Variants in SACM1L observed in about 807,000 individuals in gnomAD.
The protein encoded by SACM1L is SAC1 like phosphatidylinositide phosphatase.
In SACM1L, 32 loss-of-function variants were observed where a neutral mutation model predicts 89.5. The ratio of observed to expected loss-of-function variants is 0.36; its 90% CI spans 0.27 to 0.48. SACM1L has a LOEUF of 0.48. Among genes scored for constraint, SACM1L ranks in the 20% least tolerant of loss-of-function variants. The probability of loss-of-function intolerance (pLI) is 0.99; values close to 1 mark genes in which losing one functional copy is unlikely to be tolerated. For synonymous variants in SACM1L, 213 were observed against 232.8 expected (o/e 0.92, Z 0.77); for missense variants, 543 against 708.5 (o/e 0.77, Z 2.65).
chr3:45,699,707 A>G (rs1698222338), intron 1 of SACM1L, among the ~76,000 whole-genome samples: 1 of 152,078 alleles, frequency 6.6e-6, no homozygotes, highest in African/African-American at 2.4e-5. Flanking sequence ...TTTTTAGTAG[A>G]GACAGGGTTT....
chr3:45,740,902 G>A (rs2083060308), intron 19 of SACM1L, among the ~76,000 whole-genome samples: 1 of 152,080 alleles, frequency 6.6e-6, no homozygotes, highest in South Asian at 2.1e-4. Context: ...CATTTTAAAG[G>A]TTGAGAGTAA....
chr3:45,741,435 G>GT (rs1016093074), intron 19 of SACM1L, among the ~76,000 whole-genome samples: 5 of 152,028 alleles, frequency 3.3e-5, no homozygotes, highest in African/African-American at 9.7e-5. Context: ...ATACTTGTTT[G>GT]TTTTTTTCAC....
intron 1 of SACM1L, 115 bp downstream of exon 1, chr3:45,689,612 G>C: frequency 8.0e-7 from 1 of 1,257,186 alleles, no homozygotes; most frequent in Non-Finnish European, 1.1e-6. Flanking sequence ...GGAGCTCCTC[G>C]CATTTACCGG....
chr3:45,723,332 C>T, intron 10 of SACM1L, 143 bp from the exon 11 acceptor site: 2 of 345,278 alleles, frequency 5.8e-6, no homozygotes, highest in Non-Finnish European at 1.0e-5. Flanking sequence ...AGCTAGAAGG[C>T]ATAGTTCACA....
intron 12 of SACM1L, 50 bp downstream of exon 12, chr3:45,731,430 T>G (rs1209656621): frequency 2.5e-6 from 3 of 1,208,800 alleles, no homozygotes; most frequent in East Asian, 4.7e-5. Flanking sequence ...GATGTGCACT[T>G]ACATATATGC....
intron 14 of SACM1L, among the ~76,000 whole-genome samples, chr3:45,735,957 C>T (rs917530282): frequency 2.0e-5 from 3 of 152,152 alleles, no homozygotes; most frequent in African/African-American, 7.2e-5. Context: ...ACCTCTGCCT[C>T]CTGGGCTCAA....
At chr3:45,690,998 A>T (rs1697973598) in intron 1 of SACM1L, among the ~76,000 whole-genome samples, 2 of 152,250 alleles carry the variant, frequency 1.3e-5, no homozygotes, top group South Asian at 4.1e-4. Flanking sequence ...GGAGAACTTG[A>T]GAATTATGAT....
In SACM1L at chr3:45,743,748, A is replaced by G. The variant is rs1575416244; in HGVS notation, c.*79A>G. The G allele has an allele frequency of 4.7e-6, 7 of 1,489,152 alleles. No individual in the cohort carries two copies. The East Asian group carries it at 1.6e-4, about 34-fold the overall frequency. The allele number at this position is 1,489,152 out of a possible 1,614,324, so 92.2% of individuals were successfully genotyped here. A position where few individuals can be genotyped will look rare whatever the true frequency, so the allele number is the denominator to read the frequency against. On this transcript the variant is annotated 3_prime_UTR_variant, in exon 20 of 20. Coordinates refer to ENST00000389061, the MANE Select transcript of SACM1L (RefSeq NM_014016.5). ...GAGTCTTTACTGACCCGCTTTCCACATCAGCCCAAGGTCTTTTTAATGCCT... is the reference window on the plus strand; with the variant it reads ...GAGTCTTTACTGACCCGCTTTCCACGTCAGCCCAAGGTCTTTTTAATGCCT...
intron 3 of SACM1L, among the ~76,000 whole-genome samples, chr3:45,705,496 A>ATTTTT (rs36040487): frequency 1.2e-4 from 12 of 103,128 alleles, no homozygotes; most frequent in South Asian, 3.1e-4. Flanking sequence ...TGTAAATAAA[A>ATTTTT]TTTTTTTTTT....
intron 1 of SACM1L, among the ~76,000 whole-genome samples, chr3:45,690,653 A>AC (rs988650396): frequency 6.6e-6 from 1 of 152,080 alleles, no homozygotes; most frequent in African/African-American, 2.4e-5. Flanking sequence ...TCTACAGTGC[A>AC]CCCCCTGTGG....
At chr3:45,696,675 G>A (rs1698136137) in intron 1 of SACM1L, among the ~76,000 whole-genome samples, 1 of 151,494 alleles carries the variant, frequency 6.6e-6, no homozygotes, top group African/African-American at 2.4e-5. Flanking sequence ...CTAGATAATA[G>A]CCATTTTAAT....
Position 45,709,494 on chromosome 3 carries a change from A to T in SACM1L, c.334-4A>T, listed in dbSNP as rs75966812. The T allele has an allele frequency of 6.3e-7, 1 of 1,598,974 alleles. No individual in the cohort carries two copies. Among genetic ancestry groups the T allele is most frequent in the South Asian group, 1.1e-5 (1 of 88,090 alleles). ...GAGCTATACTGATTTTTCTTTGTTT[A>T]TAGTTACAAGATAATAAAACCTTCC... On this transcript the variant is annotated splice_region_variant and splice_polypyrimidine_tract_variant and intron_variant, in intron 4 of 19. Transcript: ENST00000389061.
At chr3:45,693,317 T>G (rs997130715) in intron 1 of SACM1L, among the ~76,000 whole-genome samples, 1 of 152,226 alleles carries the variant, frequency 6.6e-6, no homozygotes, top group African/African-American at 2.4e-5. Context: ...TCCTCCTCAG[T>G]ACCTAACATA....
intron 5 of SACM1L, among the ~76,000 whole-genome samples, chr3:45,712,210 A>G (rs1054196214): frequency 1.3e-5 from 2 of 152,064 alleles, no homozygotes; most frequent in Admixed American, 1.3e-4. Flanking sequence ...TCATAAATAG[A>G]ATTGATTAAT....
At chr3:45,725,104 T>A (rs1377689430) in intron 11 of SACM1L, among the ~76,000 whole-genome samples, 1 of 152,232 alleles carries the variant, frequency 6.6e-6, no homozygotes. Flanking sequence ...TAATAAGTTT[T>A]AAAATCGGGA....
In SACM1L at chr3:45,722,122, G is replaced by A. The variant is rs752670255; in HGVS notation, c.765+37G>A. 42 of 1,222,702 alleles carry A rather than the reference G, an allele frequency of 3.4e-5. No individual in the cohort carries two copies. In the Admixed American group the frequency reaches 8.3e-4, roughly 24 times the overall value. 75.7% of individuals were successfully genotyped at this position (1,222,702 alleles called of 1,614,324 possible). ...TGTCTGTTAGGCAGTCAGCGAGTTGGCCTTTTCTGCTTGGATTATAATTTT... is the reference window on the plus strand; with the variant it reads ...TGTCTGTTAGGCAGTCAGCGAGTTGACCTTTTCTGCTTGGATTATAATTTT... On this transcript the variant is annotated intron_variant, in intron 9 of 19. Coordinates refer to ENST00000389061, the MANE Select transcript of SACM1L (RefSeq NM_014016.5).
At chr3:45,697,655 G>T (rs62242210) in intron 1 of SACM1L, among the ~76,000 whole-genome samples, 18,077 of 152,092 alleles carry the variant, frequency 0.12, 1,094 homozygotes, top group East Asian at 0.14. Context: ...GTCAAAATAG[G>T]AGCAATTATT....
chr3:45,714,281 TTC>T (rs540016479), intron 7 of SACM1L, among the ~76,000 whole-genome samples: 388 of 151,960 alleles, frequency 2.6e-3, no homozygotes, highest in Non-Finnish European at 4.0e-3. Flanking sequence ...GACTATACGA[TTC>T]TCTCTCTGTT....
At chr3:45,705,568 T>A (rs1698372251) in intron 3 of SACM1L, among the ~76,000 whole-genome samples, 1 of 148,684 alleles carries the variant, frequency 6.7e-6, no homozygotes, top group Non-Finnish European at 1.5e-5. Context: ...AATGGCATGA[T>A]CTCAGCTCAC....
Sources: allele counts gnomAD v4.1 joint callset (sites outside exome capture counted in the v4.1 genomes callset), GRCh38; gene constraint gnomAD v4.1.1; transcripts MANE v1.5; gene names NCBI Gene and HGNC (gene_info 2026-07-23, HGNC 2026-07-21).